Variants in HEATR5B observed in about 807,000 individuals in gnomAD.
HEATR5B encodes the protein HEAT repeat containing 5B, also known as HEAT repeat-containing protein 5B.
In HEATR5B, 156 loss-of-function variants were observed where a neutral mutation model predicts 224.1. The ratio of observed to expected loss-of-function variants is 0.70; its 90% CI spans 0.61 to 0.80. The LOEUF is 0.80. Ranked by LOEUF, HEATR5B falls within the 30% of genes least tolerant of loss-of-function variation. The pLI is 0.00. For synonymous variants in HEATR5B, 1,027 were observed against 893.0 expected (o/e 1.15, Z -2.68); for missense variants, 2,323 against 2,535.5 (o/e 0.92, Z 1.80).
Position 37,044,774 on chromosome 2 carries a change from T to C in HEATR5B, c.2697-3482A>G, listed in dbSNP as rs140636476. On this transcript the variant is annotated intron_variant, in intron 18 of 35. Coordinates refer to ENST00000233099, the MANE Select transcript of HEATR5B (RefSeq NM_019024.3). The stretch of plus-strand genomic sequence containing the variant: ...ACCCTTTGCTGAGATTTCAATTATA[T>C]GCATGTTACACAGCTTGATATTGGT... 7.2e-5 allele frequency among the ~76,000 whole-genome samples: 11 copies of C among 152,356 alleles called. No homozygotes were observed. In the East Asian group the frequency reaches 1.9e-3, roughly 27 times the overall value.
intron 32 of HEATR5B, 76 bp downstream of exon 32, chr2:37,002,230 G>A: frequency 6.6e-7 from 1 of 1,503,892 alleles, no homozygotes; most frequent in Non-Finnish European, 9.2e-7. Context: ...GGTTATAACA[G>A]TGCTTAAAAT....
rs768336530 is a variant in HEATR5B at position 37,000,617 on chromosome 2, C to T, written c.5514G>A (p.Thr1838=). 5.0e-6 allele frequency: 8 copies of T among 1,614,156 alleles called. No individual in the cohort carries two copies. Among genetic ancestry groups the T allele is most frequent in the African/African-American group, 1.3e-5 (1 of 75,054 alleles). The change falls in exon 33 of 36, where the codon ACG becomes ACA. Residue 1838 remains threonine, a synonymous_variant. Coordinates refer to ENST00000233099, the MANE Select transcript of HEATR5B (RefSeq NM_019024.3). ...QKQWTALIRS[T]LACILEYSQP... ...GAGAATATTCCAGGATGCAAGCAAG[C>T]GTGCTACGAATCAGAGCTGTCCACT...
intron 17 of HEATR5B, among the ~76,000 whole-genome samples, chr2:37,052,147 G>A (rs781005255): frequency 1.3e-5 from 2 of 152,138 alleles, no homozygotes; most frequent in Non-Finnish European, 2.9e-5. Context: ...ACACATATTT[G>A]CTACCATTTT....
At chr2:37,072,011 A>T in intron 6 of HEATR5B, 99 bp downstream of exon 6, 1 of 974,070 alleles carries the variant, frequency 1.0e-6, no homozygotes, top group Non-Finnish European at 1.5e-6. Flanking sequence ...GGAAAAGTAG[A>T]CAAAGATACC....
chr2:36,988,980 A>G, intron 34 of HEATR5B, 121 bp from the exon 35 acceptor site: 2 of 690,744 alleles, frequency 2.9e-6, no homozygotes, highest in Non-Finnish European at 4.8e-6. Flanking sequence ...TGGAAATTAC[A>G]TTTTCTACTT....
intron 24 of HEATR5B, among the ~76,000 whole-genome samples, chr2:37,024,830 T>C (rs1038909011): frequency 4.6e-5 from 7 of 152,200 alleles, no homozygotes; most frequent in Admixed American, 6.5e-5. Flanking sequence ...AGAGCGCCAC[T>C]TTCCCCAACA....
intron 27 of HEATR5B, among the ~76,000 whole-genome samples, chr2:37,013,243 A>C (rs1204209437): frequency 6.6e-6 from 1 of 152,224 alleles, no homozygotes; most frequent in Admixed American, 6.5e-5. Context: ...CTGGTAGAGG[A>C]AGGAATTAGT....
At chr2:36,981,934 G>A (rs1286436186) in intron 35 of HEATR5B, 140 bp from the exon 36 acceptor site, 26 of 462,396 alleles carry the variant, frequency 5.6e-5, no homozygotes, top group Middle Eastern at 1.1e-3. Flanking sequence ...TCAATAACTC[G>A]TAATTAATAT....
At position 37,060,621 on chromosome 2, in the gene HEATR5B, G is replaced by C; in HGVS notation, c.1809C>G (p.Thr603=). The C allele has an allele frequency of 6.2e-7, 1 of 1,613,836 alleles. No homozygotes were observed. Among genetic ancestry groups the C allele is most frequent in the Non-Finnish European group, 8.5e-7 (1 of 1,179,834 alleles). Residue 603 remains threonine, a synonymous_variant, in exon 12 of 36, where the codon ACC becomes ACG. Transcript: ENST00000233099. ...CACGACCTTCCAAAGTTACCTGCCA[G>C]GTAAAAGAATCGCCTCGGGCCTTCT... ...EAEKARGDSF[T]WQVTLEGRAG...
At position 37,080,867 on chromosome 2, in the gene HEATR5B, G is replaced by A. The variant is rs989292783; in HGVS notation, c.127-1536C>T. Reference sequence around the variant, plus strand: ...GTGGGAGAGGAACCAAAACCTAACAGCGTCTTGGGAAGCCACGAACAGGAA... The same window carrying A: ...GTGGGAGAGGAACCAAAACCTAACAACGTCTTGGGAAGCCACGAACAGGAA... On this transcript the variant is annotated intron_variant, in intron 2 of 35. Coordinates refer to ENST00000233099, the MANE Select transcript of HEATR5B (RefSeq NM_019024.3). Among the ~76,000 whole-genome samples the A allele has an allele frequency of 1.8e-4, 28 of 152,010 alleles. No individual in the cohort carries two copies. The East Asian group carries it at 2.7e-3, about 15-fold the overall frequency.
At chr2:37,058,591 C>T in intron 13 of HEATR5B, 31 bp from the exon 14 acceptor site, 1 of 1,412,948 alleles carries the variant, frequency 7.1e-7, no homozygotes, top group Non-Finnish European at 1.0e-6. Context: ...TTGGTAATGG[C>T]TTACCAGAAT....
At chr2:37,047,189 AT>A (rs1670260528) in intron 18 of HEATR5B, among the ~76,000 whole-genome samples, 1 of 151,906 alleles carries the variant, frequency 6.6e-6, no homozygotes, top group African/African-American at 2.4e-5. Flanking sequence ...AAAAAAAAAA[AT>A]AAATAAATAA....
Position 37,079,105 on chromosome 2 carries a change from A to C in HEATR5B, c.338+15T>G, listed in dbSNP as rs1558385670. Reference sequence around the variant, plus strand: ...AAATAAAACTTCAAGGGCCCCTATTAAAGTAAGTACTTACAATTTTGTTGG... The same window carrying C: ...AAATAAAACTTCAAGGGCCCCTATTCAAGTAAGTACTTACAATTTTGTTGG... On this transcript the variant is annotated intron_variant, in intron 3 of 35. Coordinates refer to ENST00000233099, the MANE Select transcript of HEATR5B (RefSeq NM_019024.3). 2 of 1,495,238 alleles carry C rather than the reference A, an allele frequency of 1.3e-6. No individual in the cohort carries two copies. The highest frequency in any genetic ancestry group is 3.7e-5 in the Admixed American group (2 of 54,706). 92.6% of individuals were successfully genotyped at this position (1,495,238 alleles called of 1,614,324 possible).
Position 37,053,627 on chromosome 2 carries a change from A to T in HEATR5B, c.2400-20T>A. ...TGTAATCTATAACAATAAGAAAAAA[A>T]AATCACATTAGTGACAAATTTTATT... On this transcript the variant is annotated intron_variant, in intron 16 of 35. Coordinates refer to ENST00000233099, the MANE Select transcript of HEATR5B (RefSeq NM_019024.3). 1 of 1,488,392 alleles carries T rather than the reference A, an allele frequency of 6.7e-7. No individual in the cohort carries two copies. Among genetic ancestry groups the T allele is most frequent in the Non-Finnish European group, 9.3e-7 (1 of 1,078,238 alleles). 92.2% of individuals were successfully genotyped at this position (1,488,392 alleles called of 1,614,324 possible).
intron 5 of HEATR5B, among the ~76,000 whole-genome samples, chr2:37,073,142 C>T (rs913627818): frequency 2.0e-5 from 3 of 152,088 alleles, no homozygotes; most frequent in African/African-American, 4.8e-5. Flanking sequence ...AAAGACACTA[C>T]GTGAAAAAGA....
At chr2:37,009,016 T>G (rs917981073) in intron 27 of HEATR5B, among the ~76,000 whole-genome samples, 168 bp from the exon 28 acceptor site, 2 of 151,990 alleles carry the variant, frequency 1.3e-5, no homozygotes, top group African/African-American at 4.8e-5. Context: ...TCCCAGGACT[T>G]TGGGAGGCCA....
intron 8 of HEATR5B, 41 bp downstream of exon 8, chr2:37,068,640 T>A (rs376873196): frequency 1.3e-6 from 2 of 1,593,316 alleles, no homozygotes; most frequent in East Asian, 2.2e-5. Flanking sequence ...AAGAACTAAA[T>A]GACTAAGGTA....
intron 9 of HEATR5B, 90 bp downstream of exon 9, chr2:37,065,665 T>A: frequency 9.1e-7 from 1 of 1,103,642 alleles, no homozygotes; most frequent in Non-Finnish European, 1.3e-6. Flanking sequence ...CTAATGATGA[T>A]GATAAGCAAC....
At chr2:37,063,287 G>A (rs987599653) in intron 10 of HEATR5B, among the ~76,000 whole-genome samples, 1 of 152,248 alleles carries the variant, frequency 6.6e-6, no homozygotes, top group East Asian at 1.9e-4. Context: ...GAATAAGAGG[G>A]GAGATGAAAC....
Sources: gnomAD v4.1 joint callset for allele counts (sites outside exome capture counted in the v4.1 genomes callset) on GRCh38, gnomAD v4.1.1 for gene constraint, MANE v1.5 for transcripts, NCBI Gene and HGNC (gene_info 2026-07-23, HGNC 2026-07-21) for gene names.